Variants in ANKS1B observed in about 807,000 individuals in gnomAD.
ANKS1B encodes the protein ankyrin repeat and sterile alpha motif domain-containing protein 1B.
In ANKS1B, 36 loss-of-function variants were observed where a neutral mutation model predicts 148.3. That is an observed-to-expected ratio of 0.24 (90% CI 0.19 to 0.32). The LOEUF (loss-of-function observed/expected upper bound fraction) is 0.32, where lower values mean the gene tolerates loss of function less well. ANKS1B is among the 10% of genes least tolerant of loss of function. ANKS1B has a pLI of 1.00. For synonymous variants in ANKS1B, 542 were observed against 560.8 expected (o/e 0.97, Z 0.47); for missense variants, 1,157 against 1,542.6 (o/e 0.75, Z 4.19).
intron 10 of ANKS1B, among the ~76,000 whole-genome samples, chr12:99,456,350 T>C (rs1324703203): frequency 3.9e-5 from 6 of 152,050 alleles, no homozygotes; most frequent in African/African-American, 1.4e-4. Flanking sequence ...TCTGGTAATA[T>C]GACAAAACAA....
At chr12:99,648,219 C>T (rs139770941) in intron 9 of ANKS1B, 1 of 1,614,034 alleles carries the variant, frequency 6.2e-7, no homozygotes, top group African/African-American at 1.3e-5. Flanking sequence ...CCCAAAGCAG[C>T]CCCGCAATGG....
At chr12:99,084,235 T>C (rs79921358) in intron 16 of ANKS1B, among the ~76,000 whole-genome samples, 2,810 of 152,232 alleles carry the variant, frequency 0.018, 82 homozygotes, top group African/African-American at 0.059. Flanking sequence ...TCGTCTCTTA[T>C]GGGGCAGGAG....
intron 9 of ANKS1B, among the ~76,000 whole-genome samples, chr12:99,589,553 G>A (rs1275652): frequency 0.87 from 132,777 of 152,186 alleles, 58,237 homozygotes; most frequent in East Asian, 1. Context: ...CCTAAATTAT[G>A]TCTTAATGAA....
chr12:99,740,127 C>G (rs2059953123), intron 8 of ANKS1B, among the ~76,000 whole-genome samples: 1 of 151,892 alleles, frequency 6.6e-6, no homozygotes, highest in Non-Finnish European at 1.5e-5. Flanking sequence ...CTGGGTAACA[C>G]AGTGAGACCC....
intron 17 of ANKS1B, among the ~76,000 whole-genome samples, chr12:98,933,908 C>A (rs928193606): frequency 4.0e-5 from 6 of 151,788 alleles, no homozygotes; most frequent in African/African-American, 7.3e-5. Flanking sequence ...TGGAGAATAA[C>A]CTCGTATCTG....
intron 1 of ANKS1B, among the ~76,000 whole-genome samples, chr12:99,916,728 C>A (rs763383955): frequency 6.6e-6 from 1 of 152,150 alleles, no homozygotes; most frequent in African/African-American, 2.4e-5. Flanking sequence ...AAAAACCATA[C>A]GGCTCATGGA....
chr12:99,879,134 G>A (rs549935183), intron 1 of ANKS1B, among the ~76,000 whole-genome samples: 37 of 152,162 alleles, frequency 2.4e-4, no homozygotes, highest in Non-Finnish European at 4.9e-4. Context: ...CAGGAAGCCC[G>A]TTAGTTTCCT....
intron 15 of ANKS1B, among the ~76,000 whole-genome samples, chr12:99,122,669 T>G (rs80022420): frequency 6.6e-6 from 1 of 152,092 alleles, no homozygotes; most frequent in African/African-American, 2.4e-5. Flanking sequence ...TCATAAACGC[T>G]TGCTGGCAGC....
intron 12 of ANKS1B, among the ~76,000 whole-genome samples, chr12:99,314,093 A>G (rs2083620122): frequency 6.6e-6 from 1 of 152,226 alleles, no homozygotes; most frequent in Non-Finnish European, 1.5e-5. Context: ...ATCAACGTGC[A>G]AAAATCACAA....
chr12:99,060,680 C>CACACACACACACACAT (rs2042127043), intron 16 of ANKS1B, among the ~76,000 whole-genome samples: 1 of 99,406 alleles, frequency 1.0e-5, no homozygotes, highest in Non-Finnish European at 2.3e-5. Context: ...CACACACACA[C>CACACACACACACACAT]ACACACACAC....
At chr12:99,968,662 G>T (rs554517437) in intron 1 of ANKS1B, among the ~76,000 whole-genome samples, 51 of 152,318 alleles carry the variant, frequency 3.3e-4, no homozygotes, top group South Asian at 3.1e-3. Context: ...CACGTACATG[G>T]TTTAGATGTT....
intron 12 of ANKS1B, among the ~76,000 whole-genome samples, chr12:99,367,310 T>C (rs1237784595): frequency 6.6e-6 from 1 of 152,138 alleles, no homozygotes; most frequent in African/African-American, 2.4e-5. Flanking sequence ...CCTAAAAGAT[T>C]GCTTAATCTC....
rs1223261538 is a variant in ANKS1B, at chr12:98,829,870, T to C, written c.2887-517A>G. Among the ~76,000 whole-genome samples the C allele has an allele frequency of 6.6e-6, 1 of 152,186 alleles. No homozygotes were observed. Among genetic ancestry groups the C allele is most frequent in the African/African-American group, 2.4e-5 (1 of 41,434 alleles). Reference sequence around the variant, plus strand: ...GTGCATGCTACGACAGAGGATGCTTTTCCAAGGCAAAGACAACTCCATCCA... The same window carrying C: ...GTGCATGCTACGACAGAGGATGCTTCTCCAAGGCAAAGACAACTCCATCCA... On this transcript the variant is annotated intron_variant, in intron 18 of 26. Transcript: ENST00000683438. This position sits in a 1 kb window ranked among gnomAD's most constrained non-coding sequence, Gnocchi z 5.2.
At chr12:99,065,408 C>T (rs2043792887) in intron 16 of ANKS1B, among the ~76,000 whole-genome samples, 1 of 152,104 alleles carries the variant, frequency 6.6e-6, no homozygotes, top group Non-Finnish European at 1.5e-5. Flanking sequence ...TAACATAATC[C>T]ACAGAAGTAC....
At chr12:99,912,197 C>T (rs2094025994) in intron 1 of ANKS1B, among the ~76,000 whole-genome samples, 1 of 152,124 alleles carries the variant, frequency 6.6e-6, no homozygotes, top group Non-Finnish European at 1.5e-5. Flanking sequence ...TTGGCAGTGT[C>T]TGGTAAAGAC....
intron 15 of ANKS1B, among the ~76,000 whole-genome samples, chr12:99,128,748 T>C (rs952234019): frequency 6.6e-6 from 1 of 152,210 alleles, no homozygotes; most frequent in African/African-American, 2.4e-5. Flanking sequence ...TCCAATCCTG[T>C]CACTGTTTGT....
At chr12:99,887,822 T>C (rs1250119562) in intron 1 of ANKS1B, among the ~76,000 whole-genome samples, 1 of 152,230 alleles carries the variant, frequency 6.6e-6, no homozygotes, top group Non-Finnish European at 1.5e-5. Flanking sequence ...ACTTCCATAG[T>C]GGACAGATTA....
chr12:99,299,335 T>C (rs2081308324), intron 12 of ANKS1B, among the ~76,000 whole-genome samples: 1 of 152,174 alleles, frequency 6.6e-6, no homozygotes, highest in African/African-American at 2.4e-5. Flanking sequence ...ACTGGAATTA[T>C]AGGTGTTAGC....
At chr12:99,440,128 C>T (rs1567105045) in intron 11 of ANKS1B, among the ~76,000 whole-genome samples, 1 of 151,758 alleles carries the variant, frequency 6.6e-6, no homozygotes, top group Non-Finnish European at 1.5e-5. Flanking sequence ...AACATTCTTG[C>T]CTCCAAGGCA....
Sources: allele counts gnomAD v4.1 joint callset (sites outside exome capture counted in the v4.1 genomes callset), GRCh38; gene constraint gnomAD v4.1.1; non-coding constraint Gnocchi (gnomAD v3.1); transcripts MANE v1.5; gene names NCBI Gene and HGNC (gene_info 2026-07-23, HGNC 2026-07-21).